Variants in DCTD observed in about 807,000 individuals in gnomAD.
The protein encoded by DCTD is deoxycytidylate deaminase.
In DCTD, 23 loss-of-function variants were observed where a neutral mutation model predicts 21.0. That is an observed-to-expected ratio of 1.09 (90% CI 0.79 to 1.55). DCTD has a LOEUF of 1.55. Ranked by LOEUF, DCTD falls within the 40% of genes most tolerant of loss-of-function variation. The pLI is 0.00. For missense variants in DCTD, 224 were observed against 230.0 expected (o/e 0.97, Z 0.17); for synonymous variants, 71 against 81.1 (o/e 0.88, Z 0.67).
intron 2 of DCTD, 23 bp from the exon 3 acceptor site, chr4:182,915,081 G>T (rs375101696): frequency 6.2e-7 from 1 of 1,614,168 alleles, no homozygotes; most frequent in South Asian, 1.1e-5. Flanking sequence ...ATGCCCAAAG[G>T]CTTGGTGCCT....
Position 182,893,087 on chromosome 4 carries a change from A to C in DCTD, c.402T>G (p.Asp134Glu), listed in dbSNP as rs781379454. 11 of 1,612,426 alleles carry C rather than the reference A, an allele frequency of 6.8e-6. 1 individual carries two copies. The East Asian group carries it at 1.8e-4, about 26-fold the overall frequency. Residue 134 changes from aspartate to glutamate, a missense_variant, in exon 5 of 6, where the codon GAT (aspartate) becomes GAG (glutamate). Physicochemically the swap from Asp to Glu is conservative, Grantham distance 45 (BLOSUM62 2). Transcript: ENST00000438320. Reference sequence around the variant, plus strand: ...GCCTCGCAGCAGTTGCCTCGTCACTATCATGGTATTTATCAGACATGAAAA... The same window carrying C: ...GCCTCGCAGCAGTTGCCTCGTCACTCTCATGGTATTTATCAGACATGAAAA... ...EVIFMSDKYH[D>E]SDEATAARLL...
Position 182,916,357 on chromosome 4 carries a change from C to A in DCTD, c.-7-782G>T, listed in dbSNP as rs951842718. 2.2e-5 allele frequency: 22 copies of A among 984,178 alleles called. No homozygotes were observed. The African/African-American group carries it at 3.0e-4, about 13-fold the overall frequency. 61.0% of individuals were successfully genotyped at this position (984,178 alleles called of 1,614,324 possible). A position where few individuals can be genotyped will look rare whatever the true frequency, so the allele number is the denominator to read the frequency against. ...GGTCCTAGGACTTCAGGGGAGTGGT[C>A]GCTTTCAAAAGGAATGAAACAAGGG... On this transcript the variant is annotated intron_variant, in intron 1 of 5. Transcript: ENST00000438320.
At chr4:182,903,945 C>T (rs745550931) in intron 3 of DCTD, among the ~76,000 whole-genome samples, 14 of 152,236 alleles carry the variant, frequency 9.2e-5, no homozygotes, top group Non-Finnish European at 2.1e-4. Context: ...GAGCACAGCA[C>T]AGACAAGCTA....
chr4:182,903,874 C>T (rs995850668), intron 3 of DCTD, among the ~76,000 whole-genome samples: 1 of 152,168 alleles, frequency 6.6e-6, no homozygotes, highest in Admixed American at 6.5e-5. Context: ...AGCCTCCGGA[C>T]CTAAGAAATA....
At chr4:182,907,968 G>A (rs1295754184) in intron 3 of DCTD, among the ~76,000 whole-genome samples, 2 of 151,546 alleles carry the variant, frequency 1.3e-5, no homozygotes, top group African/African-American at 4.9e-5. Context: ...GGCAATTGTT[G>A]TTTTAAGCAC....
intron 3 of DCTD, among the ~76,000 whole-genome samples, chr4:182,894,810 A>G (rs1216946115): frequency 6.6e-6 from 1 of 152,222 alleles, no homozygotes; most frequent in Non-Finnish European, 1.5e-5. Context: ...GCCTGAAGGC[A>G]CCTAGAGCGG....
At chr4:182,908,237 T>C (rs1240041081) in intron 3 of DCTD, among the ~76,000 whole-genome samples, 1 of 152,158 alleles carries the variant, frequency 6.6e-6, no homozygotes, top group African/African-American at 2.4e-5. Flanking sequence ...GCTTTAGTCA[T>C]TTCAGCCAAT....
intron 3 of DCTD, among the ~76,000 whole-genome samples, chr4:182,900,471 G>GC (rs1031203486): frequency 6.6e-6 from 1 of 152,126 alleles, no homozygotes; most frequent in African/African-American, 2.4e-5. Flanking sequence ...ATGAACTGCA[G>GC]CAAGAGCTAC....
intron 3 of DCTD, among the ~76,000 whole-genome samples, chr4:182,899,977 C>T (rs1371675606): frequency 6.6e-6 from 1 of 151,450 alleles, no homozygotes; most frequent in East Asian, 1.9e-4. Flanking sequence ...ATCCAGAGTG[C>T]TCCATGAGCA....
chr4:182,893,747 G>C (rs1211542864), intron 4 of DCTD, among the ~76,000 whole-genome samples: 1 of 152,262 alleles, frequency 6.6e-6, no homozygotes, highest in South Asian at 2.1e-4. Context: ...TGGGCACCGC[G>C]AGGAGAGCTT....
At chr4:182,899,403 T>C (rs561529153) in intron 3 of DCTD, among the ~76,000 whole-genome samples, 3 of 150,058 alleles carry the variant, frequency 2.0e-5, no homozygotes, top group Non-Finnish European at 2.9e-5. Flanking sequence ...TTTTTTCTTT[T>C]TCTTTTTTTT....
intron 3 of DCTD, among the ~76,000 whole-genome samples, chr4:182,905,168 C>T (rs1373373339): frequency 6.6e-6 from 1 of 152,090 alleles, no homozygotes; most frequent in Non-Finnish European, 1.5e-5. Context: ...CTTCAAGAGG[C>T]TCCAATGTGG....
At chr4:182,915,205 G>GT in intron 2 of DCTD, 147 bp from the exon 3 acceptor site, 2 of 1,088,454 alleles carry the variant, frequency 1.8e-6, no homozygotes, top group East Asian at 2.5e-5. Flanking sequence ...TCCTTGCCTG[G>GT]TTTTTTGTGG....
Position 182,902,145 on chromosome 4 carries a change from C to G in DCTD, c.245-7540G>C, listed in dbSNP as rs141636750. Among the ~76,000 whole-genome samples, 1,275 of 152,312 alleles carry G rather than the reference C, an allele frequency of 8.4e-3. 10 individuals are homozygous for G. Among genetic ancestry groups the G allele is most frequent in the South Asian group, 0.028 (134 of 4,824 alleles). On this transcript the variant is annotated intron_variant, in intron 3 of 5. Coordinates refer to ENST00000438320, the MANE Select transcript of DCTD (RefSeq NM_001921.3). ...CCTCATATGTCACTGCCAGCCTCCG[C>G]AGTCCCTATCCTGCACGTCAATAAT...
chr4:182,915,894 A>G, intron 1 of DCTD: 3 of 1,116,270 alleles, frequency 2.7e-6, no homozygotes, highest in Non-Finnish European at 3.3e-6. Flanking sequence ...TCTCCCTTAC[A>G]AAGCGGAGTC....
chr4:182,915,192 G>T, intron 2 of DCTD, 134 bp from the exon 3 acceptor site: 1 of 1,190,440 alleles, frequency 8.4e-7, no homozygotes, highest in Non-Finnish European at 1.2e-6. Context: ...AGAGCTGTCG[G>T]TCTCCTTGCC....
chr4:182,917,029 G>C lies in DCTD; in HGVS notation c.-8+282C>G, dbSNP rs746019372. On this transcript the variant is annotated intron_variant, in intron 1 of 5. Coordinates refer to ENST00000438320, the MANE Select transcript of DCTD (RefSeq NM_001921.3). The surrounding 1 kb of genome is among the most constrained non-coding windows in gnomAD (Gnocchi z 4.9). The stretch of plus-strand genomic sequence containing the variant: ...GCAGGAAGGGATGTGGTGTTCAGAC[G>C]CCCAGCACCACCTCCCGGGGCACTC... The C allele has an allele frequency of 1.4e-3, 1,391 of 988,216 alleles. 4 individuals are homozygous for C. The highest frequency in any genetic ancestry group is 1.6e-3 in the Non-Finnish European group (1,298 of 832,002). 61.2% of individuals were successfully genotyped at this position (988,216 alleles called of 1,614,324 possible). A position where few individuals can be genotyped will look rare whatever the true frequency, so the allele number is the denominator to read the frequency against.
At chr4:182,902,444 A>G (rs13101260) in intron 3 of DCTD, among the ~76,000 whole-genome samples, 37,509 of 152,076 alleles carry the variant, frequency 0.25, 5,245 homozygotes, top group East Asian at 0.34. Context: ...AAATCAACAG[A>G]TATCACTTCT....
At chr4:182,912,291 G>A (rs1196858769) in intron 3 of DCTD, among the ~76,000 whole-genome samples, 2 of 152,060 alleles carry the variant, frequency 1.3e-5, no homozygotes, top group Non-Finnish European at 2.9e-5. Context: ...CACAGTCATC[G>A]TCATTTAGAC....
Sources: allele counts gnomAD v4.1 joint callset (sites outside exome capture counted in the v4.1 genomes callset), GRCh38; gene constraint gnomAD v4.1.1; non-coding constraint Gnocchi (gnomAD v3.1); transcripts MANE v1.5; gene names NCBI Gene and HGNC (gene_info 2026-07-23, HGNC 2026-07-21).